The following NAV3 variants were observed in gnomAD, a reference collection of about 807,000 sequenced individuals.
NAV3 encodes the protein pore membrane and/or filament interacting like protein 1.
NAV3 carries 87 observed loss-of-function variants against 244.7 expected under a neutral mutation model. That is an observed-to-expected ratio of 0.36 (90% CI 0.30 to 0.42). The LOEUF (loss-of-function observed/expected upper bound fraction) is 0.42, where lower values mean the gene tolerates loss of function less well. NAV3 is among the 20% of genes least tolerant of loss of function. NAV3 has a pLI of 1.00. For synonymous variants in NAV3, 1,126 were observed against 1,042.2 expected (o/e 1.08, Z -1.55); for missense variants, 2,663 against 2,893.3 (o/e 0.92, Z 1.83).
intron 25 of NAV3, among the ~76,000 whole-genome samples, 183 bp from the exon 26 acceptor site, chr12:78,176,256 T>C (rs1958222308): frequency 6.6e-6 from 1 of 152,006 alleles, no homozygotes; most frequent in Non-Finnish European, 1.5e-5. Flanking sequence ...AGATTTTGAG[T>C]AAATACAACT....
intron 12 of NAV3, among the ~76,000 whole-genome samples, chr12:78,089,674 T>C (rs955203698): frequency 2.6e-5 from 4 of 152,120 alleles, no homozygotes; most frequent in Non-Finnish European, 5.9e-5. Context: ...ACTCAAGGTA[T>C]GATGAGATAC....
At chr12:77,829,344 C>T (rs928401454), upstream of NAV3, among the ~76,000 whole-genome samples, 1 of 152,158 alleles carries the variant, frequency 6.6e-6, no homozygotes, top group Admixed American at 6.5e-5. Flanking sequence ...AAATTATTTT[C>T]TGAGGTGCCA....
chr12:78,011,937 A>G (rs748236358), intron 8 of NAV3, among the ~76,000 whole-genome samples: 17 of 152,100 alleles, frequency 1.1e-4, no homozygotes, highest in Admixed American at 1.1e-3. Context: ...CTTTTAAAGC[A>G]TCAGATCTCA....
At chr12:77,677,392 T>C (rs2137100420) in intron 2 of NAV3, among the ~76,000 whole-genome samples, 1 of 152,338 alleles carries the variant, frequency 6.6e-6, no homozygotes, top group South Asian at 2.1e-4. Context: ...GCTCCATGGA[T>C]ATGCTTAGAA....
At chr12:78,093,833 C>CT (rs1340403513) in intron 12 of NAV3, among the ~76,000 whole-genome samples, 2 of 151,832 alleles carry the variant, frequency 1.3e-5, no homozygotes, top group Non-Finnish European at 2.9e-5. Flanking sequence ...ATTTTATTTA[C>CT]TTTTTTTTCT....
At chr12:77,956,520 T>C (rs1222177781) in intron 3 of NAV3, among the ~76,000 whole-genome samples, 1 of 152,156 alleles carries the variant, frequency 6.6e-6, no homozygotes, top group Non-Finnish European at 1.5e-5. Flanking sequence ...TTTAACTTTT[T>C]ACATTGTAGC....
intron 5 of NAV3, among the ~76,000 whole-genome samples, chr12:77,979,843 G>T (rs188135950): frequency 6.6e-6 from 1 of 152,142 alleles, no homozygotes; most frequent in East Asian, 1.9e-4. Context: ...ATTTGGTCTA[G>T]GTCCTGCTGT....
chr12:77,721,866 T>C (rs933670498), intron 2 of NAV3, among the ~76,000 whole-genome samples: 12 of 152,110 alleles, frequency 7.9e-5, no homozygotes, highest in Non-Finnish European at 1.5e-5. Flanking sequence ...AGTCTATGAA[T>C]TGAATCAAGA....
chr12:77,987,815 G>A (rs1870784791), intron 5 of NAV3, among the ~76,000 whole-genome samples: 1 of 152,088 alleles, frequency 6.6e-6, no homozygotes, highest in Admixed American at 6.6e-5. Flanking sequence ...TTGAGATTGG[G>A]GTTTGAAATA....
chr12:77,585,083 G>A (rs961663794), intron 2 of NAV3, among the ~76,000 whole-genome samples: 4 of 152,106 alleles, frequency 2.6e-5, no homozygotes, highest in Non-Finnish European at 4.4e-5. Context: ...GTTTTTTGCT[G>A]GCAGATGGTG....
intron 1 of NAV3, among the ~76,000 whole-genome samples, chr12:77,880,862 G>C (rs1043250344): frequency 1.3e-5 from 2 of 152,152 alleles, no homozygotes; most frequent in African/African-American, 4.8e-5. Flanking sequence ...TACACTCTAT[G>C]ATGTTCACAA....
Position 78,128,698 on chromosome 12 carries a change from T to C in NAV3, c.4281-8T>C. 1 of 1,612,806 alleles carries C rather than the reference T, an allele frequency of 6.2e-7. No individual in the cohort carries two copies. The highest frequency in any genetic ancestry group is 8.5e-7 in the Non-Finnish European group (1 of 1,179,490). ...GTGCTTAAGTGTCATAGCTGTGCTG[T>C]TTTGCAGATATACCCCATCATCTCG... On this transcript the variant is annotated splice_polypyrimidine_tract_variant and splice_region_variant and intron_variant, in intron 17 of 39. Coordinates refer to ENST00000397909, the MANE Select transcript of NAV3 (RefSeq NM_001024383.2).
At chr12:77,630,154 A>C (rs1414673721) in intron 2 of NAV3, among the ~76,000 whole-genome samples, 1 of 152,162 alleles carries the variant, frequency 6.6e-6, no homozygotes, top group Non-Finnish European at 1.5e-5. Context: ...TAGGGAAGCT[A>C]CAGCTAGATT....
intron 2 of NAV3, among the ~76,000 whole-genome samples, chr12:77,732,488 A>C (rs1266424783): frequency 2.6e-5 from 4 of 151,980 alleles, no homozygotes; most frequent in South Asian, 2.1e-4. Context: ...AAACACTCCC[A>C]AAAACAGATA....
At chr12:77,954,325 A>C (rs1190722639) in intron 3 of NAV3, among the ~76,000 whole-genome samples, 1 of 152,284 alleles carries the variant, frequency 6.6e-6, no homozygotes, top group South Asian at 2.1e-4. Context: ...CCAGTTGTGT[A>C]GTAAGCCTGA....
At chr12:77,613,874 C>T (rs149075727) in intron 2 of NAV3, among the ~76,000 whole-genome samples, 255 of 152,164 alleles carry the variant, frequency 1.7e-3, no homozygotes, top group Admixed American at 2.4e-3. Flanking sequence ...TACCTGACGG[C>T]CCTTGTTTGA....
intron 2 of NAV3, among the ~76,000 whole-genome samples, chr12:77,675,830 T>C (rs1874179978): frequency 6.6e-6 from 1 of 152,158 alleles, no homozygotes; most frequent in Admixed American, 6.5e-5. Context: ...CTGGTCCTTG[T>C]GTGTTTGTGG....
intron 9 of NAV3, among the ~76,000 whole-genome samples, chr12:78,047,336 A>C (rs1368962633): frequency 6.6e-6 from 1 of 152,014 alleles, no homozygotes. Flanking sequence ...AAATACAAAA[A>C]ATTAGCCAGG....
intron 5 of NAV3, among the ~76,000 whole-genome samples, chr12:77,994,414 T>A (rs1342892640): frequency 6.6e-6 from 1 of 152,244 alleles, no homozygotes; most frequent in African/African-American, 2.4e-5. Flanking sequence ...TTTTACATTT[T>A]AAACTTTTTA....
Sources: allele counts gnomAD v4.1 joint callset (sites outside exome capture counted in the v4.1 genomes callset), GRCh38; gene constraint gnomAD v4.1.1; transcripts MANE v1.5; gene names NCBI Gene and HGNC (gene_info 2026-07-23, HGNC 2026-07-21).